SLC25A21: variants seen among roughly 807,000 people sequenced by gnomAD.
The protein encoded by SLC25A21 is solute carrier family 25 member 21, also known as mitochondrial 2-oxodicarboxylate carrier.
SLC25A21 carries 47 observed loss-of-function variants against 43.8 expected under a neutral mutation model. That is an observed-to-expected ratio of 1.07 (90% CI 0.85 to 1.37). SLC25A21 has a LOEUF of 1.37. SLC25A21 is among the 40% of genes most tolerant of loss of function. The probability of loss-of-function intolerance (pLI) is 0.00; values close to 1 mark genes in which losing one functional copy is unlikely to be tolerated. For missense variants in SLC25A21, 352 were observed against 350.2 expected, an observed-to-expected ratio of 1.00 and a Z score of -0.04; for synonymous variants, 131 against 121.3, an observed-to-expected ratio of 1.08 and a Z score of -0.52.
intron 1 of SLC25A21, chr14:37,172,072 G>A: frequency 1.8e-6 from 1 of 552,830 alleles, no homozygotes. Flanking sequence ...GGACGCCGAG[G>A]CAACTTTACT....
At chr14:37,168,101 C>A (rs559016250) in intron 1 of SLC25A21, among the ~76,000 whole-genome samples, 1 of 152,124 alleles carries the variant, frequency 6.6e-6, no homozygotes, top group Admixed American at 6.5e-5. Context: ...TTTCAACAAA[C>A]TTCCAGATGC....
intron 1 of SLC25A21, among the ~76,000 whole-genome samples, chr14:37,075,151 C>T (rs1205893575): frequency 6.6e-6 from 1 of 152,130 alleles, no homozygotes. Context: ...ATGTTTTACA[C>T]CAAATAATGT....
intron 6 of SLC25A21, among the ~76,000 whole-genome samples, chr14:36,719,020 C>T (rs1459793664): frequency 6.6e-6 from 1 of 152,126 alleles, no homozygotes; most frequent in Non-Finnish European, 1.5e-5. Context: ...GCCCCAGCCA[C>T]ACATCAGAGG....
chr14:37,137,069 C>T (rs28556879), intron 1 of SLC25A21, among the ~76,000 whole-genome samples: 8 of 152,146 alleles, frequency 5.3e-5, no homozygotes, highest in Admixed American at 4.6e-4. Context: ...GGCGCAATCT[C>T]GGCTCACTGC....
At position 36,679,499 on chromosome 14, in the gene SLC25A21, C is replaced by T. The variant is rs1017472194; in HGVS notation, c.*1159G>A. ...CTTGTTGACTTTACTGAATCAGCAT[C>T]ATCTCTGGATGCAGATATAAAATCA... On this transcript the variant is annotated 3_prime_UTR_variant, in exon 10 of 10. Coordinates refer to ENST00000331299, the MANE Select transcript of SLC25A21 (RefSeq NM_030631.4). The T allele has an allele frequency of 1.0e-5, 10 of 985,280 alleles. No individual in the cohort carries two copies. The highest frequency in any genetic ancestry group is 1.2e-5 in the Non-Finnish European group (10 of 829,920). The allele number at this position is 985,280 out of a possible 1,614,324, so 61.0% of individuals were successfully genotyped here.
chr14:36,745,306 G>A lies in SLC25A21; in HGVS notation c.204-10733C>T, dbSNP rs375267857. On this transcript the variant is annotated intron_variant, in intron 3 of 9. Coordinates refer to ENST00000331299, the MANE Select transcript of SLC25A21 (RefSeq NM_030631.4). The stretch of plus-strand genomic sequence containing the variant: ...GTGAATAGTGCCACAATAAACATAC[G>A]TGTGCATGTGTCTTTATAGTAGCAT... 4.6e-5 allele frequency among the ~76,000 whole-genome samples: 7 copies of A among 152,070 alleles called. No individual in the cohort carries two copies. The South Asian group carries it at 1.5e-3, about 32-fold the overall frequency.
At chr14:36,948,718 C>A (rs1892733227) in intron 1 of SLC25A21, among the ~76,000 whole-genome samples, 1 of 151,994 alleles carries the variant, frequency 6.6e-6, no homozygotes, top group African/African-American at 2.4e-5. Flanking sequence ...CTAGGCTGAA[C>A]TGAAATGTGT....
chr14:36,768,341 C>T (rs938732400), intron 3 of SLC25A21, among the ~76,000 whole-genome samples: 8 of 152,194 alleles, frequency 5.3e-5, no homozygotes, highest in African/African-American at 1.9e-4. Flanking sequence ...TTTCTATTAG[C>T]CTTAAAACAA....
chr14:37,114,486 C>T (rs551998814), intron 1 of SLC25A21, among the ~76,000 whole-genome samples: 1 of 152,164 alleles, frequency 6.6e-6, no homozygotes, highest in Non-Finnish European at 1.5e-5. Flanking sequence ...TAGACTCAAT[C>T]ATTTGTTGCT....
At chr14:36,867,509 C>T (rs2022603) in intron 2 of SLC25A21, among the ~76,000 whole-genome samples, 50,492 of 151,852 alleles carry the variant, frequency 0.33, 9,039 homozygotes, top group East Asian at 0.43. Context: ...CCCAAAACGA[C>T]GTGTGGCACG....
At position 36,999,289 on chromosome 14, in the gene SLC25A21, T is replaced by C. The variant is rs557487759; in HGVS notation, c.71-124285A>G. On this transcript the variant is annotated intron_variant, in intron 1 of 9. Transcript: ENST00000331299. ...AAGAAGCCAATCTGAAAAGGTTACA[T>C]AAATACATGGTTCTAATCATATAGC... Among the ~76,000 whole-genome samples, 8 of 152,296 alleles carry C rather than the reference T, an allele frequency of 5.3e-5. No homozygotes were observed. The South Asian group carries it at 6.2e-4, about 12-fold the overall frequency.
intron 1 of SLC25A21, among the ~76,000 whole-genome samples, chr14:37,128,673 C>G (rs1310940935): frequency 6.6e-6 from 1 of 151,790 alleles, no homozygotes; most frequent in African/African-American, 2.4e-5. Flanking sequence ...GCCTTGACCT[C>G]CACCACCAGG....
Position 36,988,295 on chromosome 14 carries a change from C to T in SLC25A21, c.71-113291G>A, listed in dbSNP as rs114613365. Among the ~76,000 whole-genome samples the T allele has an allele frequency of 2.5e-3, 377 of 152,268 alleles. 1 individual carries two copies. Among genetic ancestry groups the T allele is most frequent in the African/African-American group, 8.6e-3 (359 of 41,554 alleles). On this transcript the variant is annotated intron_variant, in intron 1 of 9. Transcript: ENST00000331299. ...TATTTTTCCTTGCCCCTGGTTAGTC[C>T]TTCCTATCAAGGTTAAGGACTATTT...
At chr14:37,075,715 T>C (rs1033961373) in intron 1 of SLC25A21, among the ~76,000 whole-genome samples, 1 of 152,224 alleles carries the variant, frequency 6.6e-6, no homozygotes, top group African/African-American at 2.4e-5. Flanking sequence ...TGGTCGAATA[T>C]ACATGTGGAT....
intron 1 of SLC25A21, among the ~76,000 whole-genome samples, chr14:36,891,971 C>A (rs1429552096): frequency 6.6e-6 from 1 of 152,150 alleles, no homozygotes; most frequent in Non-Finnish European, 1.5e-5. Flanking sequence ...GAGAAATAAG[C>A]TTGTTGTTCC....
chr14:37,051,965 G>C (rs924843554), intron 1 of SLC25A21, among the ~76,000 whole-genome samples: 1 of 152,198 alleles, frequency 6.6e-6, no homozygotes, highest in African/African-American at 2.4e-5. Flanking sequence ...GAGGAGTGAA[G>C]AGTGGACCCG....
intron 3 of SLC25A21, among the ~76,000 whole-genome samples, chr14:36,737,600 T>C: frequency 6.6e-6 from 1 of 152,174 alleles, no homozygotes; most frequent in Non-Finnish European, 1.5e-5. Flanking sequence ...ATCCATGCAA[T>C]AGAGGACTGT....
At chr14:36,905,564 A>G (rs1234457788) in intron 1 of SLC25A21, among the ~76,000 whole-genome samples, 1 of 152,170 alleles carries the variant, frequency 6.6e-6, no homozygotes. Flanking sequence ...AAGTTCTCTA[A>G]TGAATAAAGC....
chr14:36,903,614 GAAAAAAAAAAAAA>G lies in SLC25A21; in HGVS notation c.71-28623_71-28611del, dbSNP rs71124784. 1.0e-2 allele frequency among the ~76,000 whole-genome samples: 504 copies of G among 50,514 alleles called. 11 individuals are homozygous for G. Among genetic ancestry groups the G allele is most frequent in the African/African-American group, 0.042 (467 of 11,020 alleles). 33.1% of individuals were successfully genotyped at this position (50,514 alleles called of 152,430 possible). On this transcript the variant is annotated intron_variant, in intron 1 of 9. Transcript: ENST00000331299. ...GGTGACAGAGTGAGACTCCGTCTCA[GAAAAAAAAAAAAA>G]AAAAAAAAAAAAAAAATTGGTCGCC...
Sources: gnomAD v4.1 joint callset for allele counts (sites outside exome capture counted in the v4.1 genomes callset) on GRCh38, gnomAD v4.1.1 for gene constraint, MANE v1.5 for transcripts, NCBI Gene and HGNC (gene_info 2026-07-23, HGNC 2026-07-21) for gene names.